NRXN1: variants seen among roughly 807,000 people sequenced by gnomAD.
NRXN1 encodes the protein neurexin 1, also known as neurexin-1.
In NRXN1, 39 loss-of-function variants were observed where a neutral mutation model predicts 150.9. The observed-to-expected ratio is 0.26, with a 90% CI of 0.20 to 0.34. The LOEUF is 0.34. Ranked by LOEUF, NRXN1 falls within the 10% of genes least tolerant of loss-of-function variation. NRXN1 has a pLI of 1.00. For missense variants in NRXN1, 1,815 were observed against 1,949.9 expected (o/e 0.93, Z 1.30); for synonymous variants, 924 against 757.0 (o/e 1.22, Z -3.62).
At chr2:49,944,762 T>C (rs537254360) in intron 21 of NRXN1, among the ~76,000 whole-genome samples, 15 of 151,644 alleles carry the variant, frequency 9.9e-5, no homozygotes, top group South Asian at 2.1e-4. Context: ...AATATCTCAT[T>C]ACATCTACTA....
At chr2:51,021,551 C>CAT (rs67059107) in intron 2 of NRXN1, among the ~76,000 whole-genome samples, 10,862 of 150,238 alleles carry the variant, frequency 0.072, 434 homozygotes, top group South Asian at 0.098. Flanking sequence ...GACATGTATA[C>CAT]ATATATATAT....
chr2:50,325,363 A>G (rs2076319051), intron 17 of NRXN1, among the ~76,000 whole-genome samples: 1 of 152,090 alleles, frequency 6.6e-6, no homozygotes, highest in Non-Finnish European at 1.5e-5. Context: ...TAGAGGGAGA[A>G]GTTTGTCATG....
chr2:50,204,918 T>G (rs2062454028), intron 18 of NRXN1, among the ~76,000 whole-genome samples: 1 of 152,106 alleles, frequency 6.6e-6, no homozygotes, highest in Non-Finnish European at 1.5e-5. Context: ...TTATTCCTAC[T>G]AAAGCCACTA....
At chr2:50,809,769 T>C (rs1208550640) in intron 5 of NRXN1, among the ~76,000 whole-genome samples, 1 of 152,160 alleles carries the variant, frequency 6.6e-6, no homozygotes, top group African/African-American at 2.4e-5. Context: ...CTGACATGTT[T>C]AATATTAATT....
intron 5 of NRXN1, among the ~76,000 whole-genome samples, chr2:50,720,758 C>A (rs1696535665): frequency 6.6e-6 from 1 of 152,116 alleles, no homozygotes; most frequent in Non-Finnish European, 1.5e-5. Context: ...TACAAGATAA[C>A]AATTACAGTT....
At chr2:50,005,584 A>G (rs1034624492) in intron 21 of NRXN1, among the ~76,000 whole-genome samples, 27 of 152,156 alleles carry the variant, frequency 1.8e-4, no homozygotes, top group Non-Finnish European at 3.2e-4. Flanking sequence ...ACCTAGAGCA[A>G]ATAACTTCTC....
At chr2:50,781,627 T>C (rs1209844643) in intron 5 of NRXN1, among the ~76,000 whole-genome samples, 3 of 152,214 alleles carry the variant, frequency 2.0e-5, no homozygotes, top group African/African-American at 7.2e-5. Flanking sequence ...AGCTGATTTC[T>C]AAAAACCAGA....
At chr2:49,961,063 C>T (rs1399422039) in intron 21 of NRXN1, among the ~76,000 whole-genome samples, 1 of 151,612 alleles carries the variant, frequency 6.6e-6, no homozygotes, top group African/African-American at 2.4e-5. Flanking sequence ...AATTAAAATC[C>T]AGCAAGAAAA....
intron 18 of NRXN1, among the ~76,000 whole-genome samples, chr2:50,119,898 T>C (rs62132539): frequency 6.6e-6 from 1 of 152,072 alleles, no homozygotes; most frequent in Non-Finnish European, 1.5e-5. Context: ...TTCCCATAAG[T>C]ATTGTAAAAA....
intron 2 of NRXN1, among the ~76,000 whole-genome samples, chr2:51,003,134 A>C (rs1450605765): frequency 1.3e-5 from 2 of 151,986 alleles, no homozygotes; most frequent in African/African-American, 4.8e-5. Context: ...TCTTCTATGC[A>C]GCCCTCATAA....
chr2:50,828,687 T>C (rs1464879620), intron 5 of NRXN1, among the ~76,000 whole-genome samples: 5 of 147,114 alleles, frequency 3.4e-5, no homozygotes, highest in South Asian at 2.2e-4. Context: ...CGGGAAGAGG[T>C]GCTCCTCACT....
chr2:49,988,101 T>A (rs1443296581), intron 21 of NRXN1, among the ~76,000 whole-genome samples: 1 of 152,236 alleles, frequency 6.6e-6, no homozygotes, highest in East Asian at 1.9e-4. Flanking sequence ...TATACATTCA[T>A]CCCTGCTAAA....
At chr2:50,362,825 G>A (rs530541271) in intron 17 of NRXN1, among the ~76,000 whole-genome samples, 147 of 152,074 alleles carry the variant, frequency 9.7e-4, no homozygotes, top group Non-Finnish European at 1.6e-3. Flanking sequence ...GAGGCATCAC[G>A]CTACCTGACT....
At chr2:50,420,224 C>A (rs2083870177) in intron 17 of NRXN1, among the ~76,000 whole-genome samples, 1 of 151,928 alleles carries the variant, frequency 6.6e-6, no homozygotes, top group Non-Finnish European at 1.5e-5. Flanking sequence ...GTGAGCACTG[C>A]CTATATACAG....
At chr2:50,538,162 A>G (rs2093307686) in intron 10 of NRXN1, 91 bp downstream of exon 10, 1 of 1,421,286 alleles carries the variant, frequency 7.0e-7, no homozygotes, top group Non-Finnish European at 9.5e-7. Context: ...TAGAGTATAC[A>G]TTACGTTTCA....
intron 17 of NRXN1, among the ~76,000 whole-genome samples, chr2:50,376,189 C>A (rs1386291007): frequency 6.6e-6 from 1 of 151,604 alleles, no homozygotes; most frequent in East Asian, 1.9e-4. Context: ...TTCTAAAAAA[C>A]CTAGAAAACA....
chr2:50,130,266 C>T (rs181901651), intron 18 of NRXN1, among the ~76,000 whole-genome samples: 256 of 152,036 alleles, frequency 1.7e-3, no homozygotes, highest in African/African-American at 6.1e-3. Context: ...TCCCTCAATT[C>T]TCTTGATCCA....
intron 18 of NRXN1, among the ~76,000 whole-genome samples, chr2:50,215,343 T>G (rs1209892137): frequency 6.6e-6 from 1 of 152,070 alleles, no homozygotes; most frequent in Non-Finnish European, 1.5e-5. Context: ...AAATAAATAC[T>G]ATATGTTATG....
At chr2:50,745,651 G>A (rs1468922041) in intron 5 of NRXN1, among the ~76,000 whole-genome samples, 1 of 152,078 alleles carries the variant, frequency 6.6e-6, no homozygotes, top group Non-Finnish European at 1.5e-5. Flanking sequence ...GCCTGGGGAG[G>A]CCTCAGAAAA....
Sources: gnomAD v4.1 joint callset for allele counts (sites outside exome capture counted in the v4.1 genomes callset) on GRCh38, gnomAD v4.1.1 for gene constraint, MANE v1.5 for transcripts, NCBI Gene and HGNC (gene_info 2026-07-23, HGNC 2026-07-21) for gene names.